The following ASS1 variants were observed in gnomAD, a reference collection of about 807,000 sequenced individuals.
ASS1 encodes the protein argininosuccinate synthase.
Under a neutral mutation model 60.5 loss-of-function variants are expected in ASS1, and 58 were observed. The ratio of observed to expected loss-of-function variants is 0.96; its 90% CI spans 0.78 to 1.19. ASS1 has a LOEUF of 1.19. ASS1 is among the 50% of genes most tolerant of loss of function. The pLI is 0.00. For synonymous variants in ASS1, 200 were observed against 206.9 expected (o/e 0.97, Z 0.29); for missense variants, 454 against 547.3 (o/e 0.83, Z 1.70).
chr9:130,475,779 C>T (rs1307220947), intron 8 of ASS1, among the ~76,000 whole-genome samples: 2 of 132,138 alleles, frequency 1.5e-5, no homozygotes, highest in African/African-American at 2.9e-5. Flanking sequence ...GGGTGGGGGA[C>T]GGAATCTTGC....
At chr9:130,485,812 T>A (rs576675568) in intron 11 of ASS1, among the ~76,000 whole-genome samples, 1 of 152,336 alleles carries the variant, frequency 6.6e-6, no homozygotes, top group Admixed American at 6.5e-5. Context: ...TTTCTGGTAA[T>A]AAGGTTTCTA....
intron 3 of ASS1, among the ~76,000 whole-genome samples, chr9:130,456,851 G>A (rs531401904): frequency 6.8e-4 from 103 of 151,964 alleles, no homozygotes; most frequent in Non-Finnish European, 1.1e-3. Context: ...ACTTGAACCC[G>A]GAAGGCAGAG....
intron 9 of ASS1, among the ~76,000 whole-genome samples, chr9:130,479,479 G>A (rs1846109335): frequency 6.6e-6 from 1 of 152,184 alleles, no homozygotes; most frequent in South Asian, 2.1e-4. Context: ...AAGAGAATGG[G>A]AGGGTGGGGG....
At chr9:130,446,503 C>T (rs888435050) in intron 1 of ASS1, among the ~76,000 whole-genome samples, 4 of 152,190 alleles carry the variant, frequency 2.6e-5, no homozygotes, top group African/African-American at 9.6e-5. Context: ...TCTGGTTCTG[C>T]TCTGTGGGGG....
chr9:130,455,625 C>A (rs1845431762), intron 3 of ASS1, among the ~76,000 whole-genome samples: 1 of 152,222 alleles, frequency 6.6e-6, no homozygotes, highest in African/African-American at 2.4e-5. Context: ...GCAGGCAGAC[C>A]CCTGTCCCAT....
At chr9:130,462,344 C>A (rs1028332591) in intron 4 of ASS1, among the ~76,000 whole-genome samples, 1 of 152,190 alleles carries the variant, frequency 6.6e-6, no homozygotes, top group Non-Finnish European at 1.5e-5. Context: ...TGCGGACACT[C>A]GTGTGTGAGA....
intron 4 of ASS1, 139 bp downstream of exon 4, chr9:130,458,728 C>A (rs868620087): frequency 1.6e-6 from 2 of 1,233,048 alleles, no homozygotes; most frequent in Non-Finnish European, 2.3e-6. Context: ...TTTGTTTAGA[C>A]CCCAATGAGA....
At chr9:130,483,814 C>CTCT (rs1456290410) in intron 11 of ASS1, among the ~76,000 whole-genome samples, 16 of 151,620 alleles carry the variant, frequency 1.1e-4, no homozygotes, top group African/African-American at 2.7e-4. Context: ...CCTCCTCCTT[C>CTCT]CCCTCTTCCC....
chr9:130,451,026 A>G (rs531264338), intron 1 of ASS1, among the ~76,000 whole-genome samples: 10 of 152,014 alleles, frequency 6.6e-5, no homozygotes, highest in Non-Finnish European at 1.2e-4. Context: ...TGATCCGATG[A>G]CCCTGGGCAG....
chr9:130,466,933 C>A, intron 6 of ASS1, 134 bp downstream of exon 6: 2 of 1,035,038 alleles, frequency 1.9e-6, no homozygotes, highest in South Asian at 1.4e-5. Flanking sequence ...GAACTTCCAC[C>A]CCAGCTGCCT....
intron 3 of ASS1, among the ~76,000 whole-genome samples, chr9:130,456,593 A>C (rs1253507898): frequency 6.6e-6 from 1 of 152,128 alleles, no homozygotes; most frequent in Non-Finnish European, 1.5e-5. Context: ...ATTTTTTTCA[A>C]AATAATTATA....
Position 130,466,822 on chromosome 9 carries a change from C to T in ASS1, c.495+23C>T, listed in dbSNP as rs752167579. The T allele has an allele frequency of 1.9e-6, 3 of 1,611,410 alleles. No homozygotes were observed. The Admixed American group carries it at 5.0e-5, about 27-fold the overall frequency. ...AAGGTATGGCCGAGTCTCCCCACCACCCCCAACCTTTCCCTATAGCCCCCT... is the reference window on the plus strand; with the variant it reads ...AAGGTATGGCCGAGTCTCCCCACCATCCCCAACCTTTCCCTATAGCCCCCT... On this transcript the variant is annotated intron_variant, in intron 6 of 14. Transcript: ENST00000352480.
rs1421277157 is a variant in ASS1, at chr9:130,470,280, C to T, written c.496-554C>T. 6.6e-6 allele frequency among the ~76,000 whole-genome samples: 1 copy of T among 152,206 alleles called. No homozygotes were observed. The highest frequency in any genetic ancestry group is 1.5e-5 in the Non-Finnish European group (1 of 68,036). Reference sequence around the variant, plus strand: ...CCGAGTGCCTTGGAGACGGGATCTGCTGGGTGTTCCCCTTCTAGGGTCTGC... The same window carrying T: ...CCGAGTGCCTTGGAGACGGGATCTGTTGGGTGTTCCCCTTCTAGGGTCTGC... On this transcript the variant is annotated intron_variant, in intron 6 of 14. Coordinates refer to ENST00000352480, the MANE Select transcript of ASS1 (RefSeq NM_054012.4). The surrounding 1 kb of genome is among the most constrained non-coding windows in gnomAD (Gnocchi z 4.3).
chr9:130,454,242 G>T, intron 2 of ASS1, 63 bp from the exon 3 acceptor site: 1 of 1,530,496 alleles, frequency 6.5e-7, no homozygotes, highest in South Asian at 1.2e-5. Flanking sequence ...TGCTGCATGC[G>T]GATGGTGTGA....
At chr9:130,496,044 A>C (rs1366598937) in intron 13 of ASS1, among the ~76,000 whole-genome samples, 3 of 152,192 alleles carry the variant, frequency 2.0e-5, no homozygotes, top group Non-Finnish European at 2.9e-5. Flanking sequence ...CAGGCTGAAG[A>C]CCCTGGAGCA....
rs1483374798 is a variant in ASS1 at position 130,495,470 on chromosome 9, TATAC to T, written c.1127+449_1127+452del. 5.4e-5 allele frequency among the ~76,000 whole-genome samples: 7 copies of T among 130,584 alleles called. No individual in the cohort carries two copies. In the South Asian group the frequency reaches 1.5e-3, roughly 28 times the overall value. 85.7% of individuals were successfully genotyped at this position (130,584 alleles called of 152,430 possible). On this transcript the variant is annotated intron_variant, in intron 13 of 14. Transcript: ENST00000352480. ...ATATATATATATATATACACATACA[TATAC>T]ACACACACACACACACACACACACA... is the stretch of plus-strand genomic sequence containing the variant.
Position 130,495,500 on chromosome 9 carries a change from C to CACACACAT in ASS1, c.1127+478_1127+479insCACACATA, listed in dbSNP as rs57531289. Among the ~76,000 whole-genome samples, 755 of 148,342 alleles carry CACACACAT rather than the reference C, an allele frequency of 5.1e-3. 18 individuals carry two copies. Among genetic ancestry groups the CACACACAT allele is most frequent in the East Asian group, 0.037 (188 of 5,104 alleles). On this transcript the variant is annotated intron_variant, in intron 13 of 14. Coordinates refer to ENST00000352480, the MANE Select transcript of ASS1 (RefSeq NM_054012.4). ...ACACACACACACACACACACACACA[C>CACACACAT]ATATATATATAAAATAATTGGGGTT...
intron 13 of ASS1, among the ~76,000 whole-genome samples, chr9:130,495,378 T>C (rs1846561494): frequency 1.4e-5 from 2 of 147,648 alleles, no homozygotes; most frequent in South Asian, 4.3e-4. Flanking sequence ...AGCCCAGGAG[T>C]TCAAGACCAG....
intron 8 of ASS1, among the ~76,000 whole-genome samples, chr9:130,475,337 A>T (rs376115767): frequency 3.9e-5 from 6 of 152,266 alleles, no homozygotes; most frequent in African/African-American, 1.4e-4. Context: ...GTGTGTTTTC[A>T]TGTCCAATTA....
Sources: gnomAD v4.1 joint callset for allele counts (sites outside exome capture counted in the v4.1 genomes callset) on GRCh38, gnomAD v4.1.1 for gene constraint, Gnocchi (gnomAD v3.1) non-coding constraint, MANE v1.5 for transcripts, NCBI Gene and HGNC (gene_info 2026-07-23, HGNC 2026-07-21) for gene names.